The following YWHAB variants were observed in gnomAD, a reference collection of about 807,000 sequenced individuals.
YWHAB encodes the protein 14-3-3 protein beta/alpha.
Under a neutral mutation model 28.5 loss-of-function variants are expected in YWHAB, and 2 were observed. That is an observed-to-expected ratio of 0.07 (90% CI 0.03 to 0.22). The LOEUF is 0.22. Among genes scored for constraint, YWHAB ranks in the 10% least tolerant of loss-of-function variants. The probability of loss-of-function intolerance (pLI) is 1.00; values close to 1 mark genes in which losing one functional copy is unlikely to be tolerated. For synonymous variants in YWHAB, 103 were observed against 104.7 expected, an observed-to-expected ratio of 0.98 and a Z score of 0.10; for missense variants, 148 against 297.1, an observed-to-expected ratio of 0.50 and a Z score of 3.69.
At chr20:44,889,325 T>C (rs2066546517) in intron 1 of YWHAB, among the ~76,000 whole-genome samples, 1 of 152,220 alleles carries the variant, frequency 6.6e-6, no homozygotes, top group Admixed American at 6.5e-5. Context: ...ATATGTGTGC[T>C]GAAGGCCAAT....
At chr20:44,896,564 ACT>A (rs1440116522) in intron 1 of YWHAB, among the ~76,000 whole-genome samples, 1 of 152,178 alleles carries the variant, frequency 6.6e-6, no homozygotes, top group East Asian at 1.9e-4. Context: ...AGGAAATCTG[ACT>A]CTGCTTTTGG....
intron 5 of YWHAB, 129 bp from the exon 6 acceptor site, chr20:44,906,253 A>G (rs920540098): frequency 2.0e-5 from 23 of 1,170,836 alleles, no homozygotes; most frequent in African/African-American, 4.6e-5. Context: ...GACCTTTGCA[A>G]TCATCCCTGT....
intron 1 of YWHAB, among the ~76,000 whole-genome samples, chr20:44,893,405 T>C (rs1166473099): frequency 6.6e-6 from 1 of 152,052 alleles, no homozygotes; most frequent in African/African-American, 2.4e-5. Flanking sequence ...AAAAAAGAAA[T>C]AGTACCCAAT....
At chr20:44,889,490 GTTCTTTA>G (rs2066547899) in intron 1 of YWHAB, among the ~76,000 whole-genome samples, 2 of 149,900 alleles carry the variant, frequency 1.3e-5, no homozygotes, top group South Asian at 4.2e-4. Context: ...ATTCTGGCCA[GTTCTTTA>G]TTATGTAAGT....
At chr20:44,902,369 A>G (rs1351229768) in intron 2 of YWHAB, 1 of 152,322 alleles carries the variant, frequency 6.6e-6, no homozygotes, top group East Asian at 1.9e-4. Flanking sequence ...TTTTACATAA[A>G]CCCTTAGTCA....
chr20:44,906,213 A>T, intron 5 of YWHAB, 117 bp downstream of exon 5: 1 of 1,166,432 alleles, frequency 8.6e-7, no homozygotes, highest in South Asian at 1.4e-5. Flanking sequence ...TTAAGTTGTT[A>T]AATTTGTTAT....
intron 1 of YWHAB, among the ~76,000 whole-genome samples, chr20:44,899,162 T>C (rs1455717315): frequency 1.3e-5 from 2 of 151,388 alleles, no homozygotes. Flanking sequence ...ATGTATGTAG[T>C]AATGAAAGAA....
chr20:44,901,501 C>G (rs2066626389), intron 1 of YWHAB, 30 bp from the exon 2 acceptor site: 1 of 1,550,034 alleles, frequency 6.5e-7, no homozygotes, highest in East Asian at 2.3e-5. Flanking sequence ...CTGACATTTG[C>G]TCTTTCTTTT....
At chr20:44,906,264 C>G (rs1251689270) in intron 5 of YWHAB, 118 bp from the exon 6 acceptor site, 2 of 1,199,400 alleles carry the variant, frequency 1.7e-6, no homozygotes, top group African/African-American at 3.0e-5. Context: ...TCATCCCTGT[C>G]TGCAGTGACA....
In YWHAB at chr20:44,906,450, C is replaced by G; in HGVS notation, c.*12C>G. 6.3e-7 allele frequency: 1 copy of G among 1,582,504 alleles called. No homozygotes were observed. Among genetic ancestry groups the G allele is most frequent in the Non-Finnish European group, 8.6e-7 (1 of 1,165,118 alleles). On this transcript the variant is annotated 3_prime_UTR_variant, in exon 6 of 6. Transcript: ENST00000353703. ...AGGGAGAGAACTAATGTTTCTCGTGCTTTGTGATCTGTTCAGTGTCACTCT... is the reference window on the plus strand; with the variant it reads ...AGGGAGAGAACTAATGTTTCTCGTGGTTTGTGATCTGTTCAGTGTCACTCT...
chr20:44,901,367 C>A (rs933342380), intron 1 of YWHAB, among the ~76,000 whole-genome samples, 164 bp from the exon 2 acceptor site: 3 of 152,146 alleles, frequency 2.0e-5, no homozygotes, highest in Non-Finnish European at 4.4e-5. Flanking sequence ...GTACTTAACC[C>A]TAGAGGTGTT....
intron 2 of YWHAB, 74 bp downstream of exon 2, chr20:44,901,907 C>T (rs113230979): frequency 1.4e-6 from 2 of 1,463,246 alleles, no homozygotes; most frequent in Non-Finnish European, 1.8e-6. Context: ...TGCAGACTCT[C>T]AAAACAGCTT....
chr20:44,889,142 T>G (rs1228005079), intron 1 of YWHAB, among the ~76,000 whole-genome samples: 1 of 152,206 alleles, frequency 6.6e-6, no homozygotes, highest in Non-Finnish European at 1.5e-5. Context: ...GAAATTATGG[T>G]TACATAATAG....
chr20:44,895,939 G>T (rs993208898), intron 1 of YWHAB, among the ~76,000 whole-genome samples: 1 of 152,180 alleles, frequency 6.6e-6, no homozygotes, highest in Non-Finnish European at 1.5e-5. Flanking sequence ...GGATCAGTTT[G>T]TTCATTCAGC....
At chr20:44,898,757 C>T (rs1244591268) in intron 1 of YWHAB, among the ~76,000 whole-genome samples, 4 of 151,784 alleles carry the variant, frequency 2.6e-5, no homozygotes, top group East Asian at 3.9e-4. Flanking sequence ...TCACCTGCCT[C>T]GGCCTCCCAA....
At chr20:44,904,562 A>G (rs73294348) in intron 3 of YWHAB, among the ~76,000 whole-genome samples, 3,232 of 152,022 alleles carry the variant, frequency 0.021, 122 homozygotes, top group African/African-American at 0.072. Context: ...CAGGCTGCCC[A>G]TTTTTCATAT....
intron 1 of YWHAB, among the ~76,000 whole-genome samples, chr20:44,890,834 C>G (rs889841488): frequency 6.6e-6 from 1 of 151,804 alleles, no homozygotes; most frequent in Non-Finnish European, 1.5e-5. Context: ...GCTCACAATC[C>G]GGTGTGGGAG....
At chr20:44,904,142 T>C (rs374123840) in intron 3 of YWHAB, 26 bp downstream of exon 3, 26 of 1,610,762 alleles carry the variant, frequency 1.6e-5, no homozygotes, top group Non-Finnish European at 2.1e-5. Context: ...AAAAAGAAAT[T>C]CGACCAGTAA....
chr20:44,886,703 G>C (rs1209291986), intron 1 of YWHAB: 1 of 152,230 alleles, frequency 6.6e-6, no homozygotes. Context: ...TGGTCGGGGG[G>C]TGGGGAGCGG....
Sources: gnomAD v4.1 joint callset for allele counts (sites outside exome capture counted in the v4.1 genomes callset) on GRCh38, gnomAD v4.1.1 for gene constraint, MANE v1.5 for transcripts, NCBI Gene and HGNC (gene_info 2026-07-23, HGNC 2026-07-21) for gene names.